The following DENND1B variants were observed in gnomAD, a reference collection of about 807,000 sequenced individuals.
DENND1B encodes the protein DENN domain-containing protein 1B.
DENND1B carries 59 observed loss-of-function variants against 90.1 expected under a neutral mutation model. The ratio of observed to expected loss-of-function variants is 0.65; its 90% CI spans 0.53 to 0.81. DENND1B has a LOEUF of 0.81. Ranked by LOEUF, DENND1B falls within the 40% of genes least tolerant of loss-of-function variation. The pLI is 0.00. For synonymous variants in DENND1B, 337 were observed against 324.6 expected, an observed-to-expected ratio of 1.04 and a Z score of -0.41; for missense variants, 862 against 912.6, an observed-to-expected ratio of 0.94 and a Z score of 0.71.
chr1:197,599,296 G>A (rs1455158161), intron 13 of DENND1B, among the ~76,000 whole-genome samples: 1 of 151,806 alleles, frequency 6.6e-6, no homozygotes. Context: ...ACTTTTAGAT[G>A]TGATTTCTAG....
chr1:197,776,258 C>A (rs1255685512), upstream of DENND1B, among the ~76,000 whole-genome samples: 2 of 152,182 alleles, frequency 1.3e-5, no homozygotes, highest in Non-Finnish European at 2.9e-5. Context: ...GTGATAGATA[C>A]TTTCATCAGC....
chr1:197,667,056 C>T (rs1304605787), intron 5 of DENND1B, among the ~76,000 whole-genome samples: 1 of 151,816 alleles, frequency 6.6e-6, no homozygotes, highest in Admixed American at 6.6e-5. Flanking sequence ...ATCGGTTGAA[C>T]CCGAGAGGCG....
intron 7 of DENND1B, among the ~76,000 whole-genome samples, chr1:197,651,862 A>G (rs1653242919): frequency 1.3e-5 from 2 of 151,698 alleles, no homozygotes; most frequent in Non-Finnish European, 2.9e-5. Flanking sequence ...TCACCGTGTT[A>G]GCCAAGATGG....
intron 14 of DENND1B, among the ~76,000 whole-genome samples, chr1:197,590,126 T>C (rs1675063977): frequency 6.6e-6 from 1 of 152,194 alleles, no homozygotes; most frequent in African/African-American, 2.4e-5. Flanking sequence ...GATGCTTTGT[T>C]TGTGGTTATG....
chr1:197,651,047 G>T (rs1653103480), intron 7 of DENND1B, among the ~76,000 whole-genome samples: 1 of 151,932 alleles, frequency 6.6e-6, no homozygotes. Context: ...TTTTTAAAAA[G>T]AAGAAAGTTA....
intron 20 of DENND1B, among the ~76,000 whole-genome samples, chr1:197,526,185 CT>C: frequency 6.6e-6 from 1 of 152,138 alleles, no homozygotes; most frequent in East Asian, 1.9e-4. Context: ...ATTCCTTTCT[CT>C]TGGGGGACAC....
At chr1:197,684,698 C>A (rs1657049878) in intron 3 of DENND1B, among the ~76,000 whole-genome samples, 1 of 152,130 alleles carries the variant, frequency 6.6e-6, no homozygotes, top group South Asian at 2.1e-4. Context: ...TCTGTTACTA[C>A]TAAGAATATC....
At chr1:197,726,230 C>T (rs2102295549) in intron 2 of DENND1B, among the ~76,000 whole-genome samples, 1 of 152,098 alleles carries the variant, frequency 6.6e-6, no homozygotes, top group South Asian at 2.1e-4. Flanking sequence ...TGACGTGGAC[C>T]CAGTGATCTT....
intron 2 of DENND1B, among the ~76,000 whole-genome samples, chr1:197,769,856 A>G (rs571196575): frequency 6.6e-6 from 1 of 152,292 alleles, no homozygotes; most frequent in African/African-American, 2.4e-5. Flanking sequence ...GATTCCAATA[A>G]CTTTTAAAAT....
At chr1:197,626,255 T>C (rs911825251) in intron 10 of DENND1B, among the ~76,000 whole-genome samples, 15 of 152,030 alleles carry the variant, frequency 9.9e-5, no homozygotes, top group African/African-American at 3.6e-4. Flanking sequence ...ATTCCAAAAT[T>C]GACCACATAG....
At chr1:197,553,887 G>A (rs772503555) in intron 15 of DENND1B, among the ~76,000 whole-genome samples, 3 of 152,070 alleles carry the variant, frequency 2.0e-5, no homozygotes, top group Non-Finnish European at 2.9e-5. Context: ...GGTTGGAGGA[G>A]TGGGAAACTG....
At chr1:197,583,291 GGTTA>G in intron 14 of DENND1B, 38 bp from the exon 15 acceptor site, 1 of 1,595,340 alleles carries the variant, frequency 6.3e-7, no homozygotes. Context: ...ATCAATAAAA[GGTTA>G]GTCAGAGAGA....
Position 197,508,513 on chromosome 1 carries a change from T to C in DENND1B, c.*1947A>G, listed in dbSNP as rs553231347. 3 of 151,900 alleles carry C rather than the reference T, an allele frequency of 2.0e-5. No individual in the cohort carries two copies. Among genetic ancestry groups the C allele is most frequent in the Non-Finnish European group, 4.4e-5 (3 of 67,804 alleles). 9.4% of individuals were successfully genotyped at this position (151,900 alleles called of 1,614,324 possible). A position where few individuals can be genotyped will look rare whatever the true frequency, so the allele number is the denominator to read the frequency against. ...AAACAAGAATTGTCTTCTTATATAA[T>C]CATAATGAATAAGTGTCCCAAATAA... On this transcript the variant is annotated 3_prime_UTR_variant, in exon 23 of 23. Coordinates refer to ENST00000620048, the MANE Select transcript of DENND1B (RefSeq NM_001195215.2).
At chr1:197,568,423 AC>A (rs1225450636) in intron 15 of DENND1B, among the ~76,000 whole-genome samples, 33 of 152,150 alleles carry the variant, frequency 2.2e-4, no homozygotes, top group Non-Finnish European at 1.5e-5. Context: ...TATCCATACT[AC>A]CCAAAGGGAT....
intron 10 of DENND1B, among the ~76,000 whole-genome samples, chr1:197,624,849 C>T (rs1309270268): frequency 6.6e-6 from 1 of 151,760 alleles, no homozygotes; most frequent in Non-Finnish European, 1.5e-5. Flanking sequence ...AAAGCCAAGG[C>T]TCGAGAACTA....
intron 3 of DENND1B, among the ~76,000 whole-genome samples, chr1:197,705,633 TA>T (rs1659450403): frequency 1.8e-5 from 2 of 113,820 alleles, no homozygotes; most frequent in African/African-American, 7.2e-5. Flanking sequence ...GTTTATAAAG[TA>T]AAAGGTAGAA....
intron 15 of DENND1B, among the ~76,000 whole-genome samples, chr1:197,562,699 G>A (rs540254862): frequency 3.3e-4 from 50 of 151,788 alleles, no homozygotes; most frequent in African/African-American, 9.2e-4. Context: ...TGACCTCCAC[G>A]CATCCAAGGG....
intron 20 of DENND1B, among the ~76,000 whole-genome samples, chr1:197,514,051 T>G (rs1379745538): frequency 6.6e-6 from 1 of 151,722 alleles, no homozygotes; most frequent in Non-Finnish European, 1.5e-5. Flanking sequence ...CATTAATGAC[T>G]TCAGGTATGA....
At chr1:197,570,092 T>C (rs1223517937) in intron 15 of DENND1B, among the ~76,000 whole-genome samples, 1 of 151,972 alleles carries the variant, frequency 6.6e-6, no homozygotes, top group Non-Finnish European at 1.5e-5. Context: ...ATACAATTTT[T>C]ATTTGTCAAA....
Sources: gnomAD v4.1 joint callset for allele counts (sites outside exome capture counted in the v4.1 genomes callset) on GRCh38, gnomAD v4.1.1 for gene constraint, MANE v1.5 for transcripts, NCBI Gene and HGNC (gene_info 2026-07-23, HGNC 2026-07-21) for gene names.